Variants in GALNT13 observed in about 807,000 individuals in gnomAD.
The protein encoded by GALNT13 is polypeptide N-acetylgalactosaminyltransferase 13.
A neutral mutation model predicts 64.2 loss-of-function variants in GALNT13; 28 were observed. The observed-to-expected ratio is 0.44, with a 90% CI of 0.32 to 0.60. The LOEUF (loss-of-function observed/expected upper bound fraction) is 0.60. Ranked by LOEUF, GALNT13 falls within the 20% of genes least tolerant of loss-of-function variation. The probability of loss-of-function intolerance (pLI) is 0.05; values close to 1 mark genes in which losing one functional copy is unlikely to be tolerated. For missense variants in GALNT13, 577 were observed against 669.8 expected, an observed-to-expected ratio of 0.86 and a Z score of 1.53; for synonymous variants, 214 against 224.6, an observed-to-expected ratio of 0.95 and a Z score of 0.42.
At chr2:153,334,767 T>G in the GALNT13 span, among the ~76,000 whole-genome samples, 1 of 152,150 alleles carries the variant, frequency 6.6e-6, no homozygotes, top group Non-Finnish European at 1.5e-5. Flanking sequence ...TTTTCTGAAG[T>G]CTTTTTCTTC....
At chr2:154,386,639 T>C (rs767751733) in intron 9 of GALNT13, among the ~76,000 whole-genome samples, 2 of 152,088 alleles carry the variant, frequency 1.3e-5, no homozygotes, top group Non-Finnish European at 2.9e-5. Context: ...GGGGTCAAGA[T>C]AATGCTGAAA....
At chr2:153,659,748 G>A in the GALNT13 span, among the ~76,000 whole-genome samples, 12 of 152,166 alleles carry the variant, frequency 7.9e-5, no homozygotes, top group Middle Eastern at 3.4e-3. Context: ...GACTCTGAGC[G>A]CACTGCCTAT....
intron 3 of GALNT13, among the ~76,000 whole-genome samples, chr2:153,953,794 T>C (rs1049873320): frequency 6.6e-6 from 1 of 152,140 alleles, no homozygotes; most frequent in Non-Finnish European, 1.5e-5. Flanking sequence ...TTCTCTGGCA[T>C]TTTAAGTTGC....
At chr2:154,435,183 C>T (rs1425849947) in intron 11 of GALNT13, among the ~76,000 whole-genome samples, 1 of 152,040 alleles carries the variant, frequency 6.6e-6, no homozygotes, top group African/African-American at 2.4e-5. Context: ...GATGATAAAG[C>T]AATTTGAGAG....
chr2:153,674,201 G>A, the GALNT13 span, among the ~76,000 whole-genome samples: 1 of 151,372 alleles, frequency 6.6e-6, no homozygotes, highest in South Asian at 2.1e-4. Flanking sequence ...GAAAAAAGTA[G>A]TTTAAAGTTC....
chr2:154,263,690 A>C (rs1173551878), intron 8 of GALNT13, among the ~76,000 whole-genome samples: 1 of 152,234 alleles, frequency 6.6e-6, no homozygotes, highest in Non-Finnish European at 1.5e-5. Flanking sequence ...ACATCATTGG[A>C]GTTAATTACT....
the GALNT13 span, among the ~76,000 whole-genome samples, chr2:153,615,945 C>T: frequency 6.6e-6 from 1 of 151,956 alleles, no homozygotes; most frequent in African/African-American, 2.4e-5. Flanking sequence ...TGATGTGATT[C>T]CATTTGTCCA....
the GALNT13 span, among the ~76,000 whole-genome samples, chr2:153,706,571 G>A: frequency 5.3e-5 from 8 of 152,200 alleles, no homozygotes; most frequent in East Asian, 1.9e-4. Context: ...TAAAGTATAC[G>A]TGTGTGCACA....
chr2:153,413,205 T>C, the GALNT13 span, among the ~76,000 whole-genome samples: 1 of 152,130 alleles, frequency 6.6e-6, no homozygotes, highest in Admixed American at 6.5e-5. Flanking sequence ...TATACTTTGC[T>C]TCCCGTATCC....
intron 2 of GALNT13, among the ~76,000 whole-genome samples, chr2:153,907,212 T>C (rs1454412876): frequency 2.0e-5 from 3 of 151,930 alleles, no homozygotes; most frequent in Non-Finnish European, 4.4e-5. Context: ...TTCACTCTGA[T>C]GGTAGTTTCT....
At chr2:154,431,292 T>C (rs1375850132) in intron 11 of GALNT13, among the ~76,000 whole-genome samples, 3 of 152,222 alleles carry the variant, frequency 2.0e-5, no homozygotes, top group Non-Finnish European at 4.4e-5. Context: ...TTGTAACGTG[T>C]ACTGCTGGAA....
chr2:154,369,831 T>G (rs1697580788), intron 9 of GALNT13, among the ~76,000 whole-genome samples: 1 of 152,146 alleles, frequency 6.6e-6, no homozygotes, highest in Non-Finnish European at 1.5e-5. Flanking sequence ...AAGCATCTTC[T>G]CTTGGTTGAT....
the GALNT13 span, among the ~76,000 whole-genome samples, chr2:153,740,020 A>T: frequency 6.6e-6 from 1 of 151,962 alleles, no homozygotes; most frequent in Non-Finnish European, 1.5e-5. Flanking sequence ...TAGGATATAG[A>T]AGTATTCAAA....
the GALNT13 span, among the ~76,000 whole-genome samples, chr2:153,447,876 G>A: frequency 6.6e-6 from 1 of 152,146 alleles, no homozygotes; most frequent in African/African-American, 2.4e-5. Context: ...CATTCATTGT[G>A]ATCAAATTTT....
the GALNT13 span, among the ~76,000 whole-genome samples, chr2:153,439,751 G>T: frequency 2.0e-5 from 3 of 152,124 alleles, no homozygotes; most frequent in Non-Finnish European, 4.4e-5. Context: ...TGAATTCCCT[G>T]ACTTGTTGCG....
chr2:154,197,517 T>C (rs944851384), intron 4 of GALNT13, among the ~76,000 whole-genome samples: 25 of 152,032 alleles, frequency 1.6e-4, no homozygotes, highest in African/African-American at 5.8e-4. Context: ...CCTCACGTGA[T>C]ACACATAGTC....
At chr2:153,331,766 C>G in the GALNT13 span, among the ~76,000 whole-genome samples, 2 of 152,068 alleles carry the variant, frequency 1.3e-5, no homozygotes, top group South Asian at 4.1e-4. Flanking sequence ...TACCCAAGAT[C>G]AATACTTTGT....
At chr2:154,372,736 G>A (rs1482517477) in intron 9 of GALNT13, among the ~76,000 whole-genome samples, 1 of 151,894 alleles carries the variant, frequency 6.6e-6, no homozygotes, top group Non-Finnish European at 1.5e-5. Flanking sequence ...TTATTTTTGG[G>A]TAGTGAAATT....
intron 2 of GALNT13, among the ~76,000 whole-genome samples, chr2:153,916,959 A>G (rs1689393781): frequency 6.6e-6 from 1 of 152,212 alleles, no homozygotes. Context: ...ACCAAGAAAT[A>G]GATAAGAATT....
Sources: allele counts gnomAD v4.1 joint callset (sites outside exome capture counted in the v4.1 genomes callset), GRCh38; gene constraint gnomAD v4.1.1; transcripts MANE v1.5; gene names NCBI Gene and HGNC (gene_info 2026-07-23, HGNC 2026-07-21).